Variants in HTR2C observed in about 807,000 individuals in gnomAD.
HTR2C encodes 5-hydroxytryptamine receptor 2C.
A neutral mutation model predicts 21.0 loss-of-function variants in HTR2C; 5 were observed. The ratio of observed to expected loss-of-function variants is 0.24; its 90% CI spans 0.12 to 0.50. The LOEUF is 0.50. HTR2C is among the 20% of genes least tolerant of loss of function. The pLI is 0.98. For synonymous variants in HTR2C, 150 were observed against 145.3 expected (o/e 1.03, Z -0.23); for missense variants, 271 against 371.2 (o/e 0.73, Z 2.22).
intron 5 of HTR2C, among the ~76,000 whole-genome samples, chrX:114,887,600 A>T (rs782428073): frequency 3.6e-4 from 40 of 111,345 alleles, no homozygotes; most frequent in Non-Finnish European, 1.1e-4. Flanking sequence ...GAATGTGCTT[A>T]TGTTGCTTTT....
At chrX:114,790,667 A>G (rs1159101875) in intron 4 of HTR2C, among the ~76,000 whole-genome samples, 1 of 112,089 alleles carries the variant, frequency 8.9e-6, no homozygotes, top group Admixed American at 9.5e-5. Context: ...TATTAGAGGC[A>G]TAGCGTAGAA....
At chrX:114,822,565 A>G (rs1425291007) in intron 4 of HTR2C, among the ~76,000 whole-genome samples, 6 of 112,533 alleles carry the variant, frequency 5.3e-5, no homozygotes, top group African/African-American at 1.6e-4. Flanking sequence ...TGAAGAAAAT[A>G]TCAACAGAGA....
intron 2 of HTR2C, among the ~76,000 whole-genome samples, chrX:114,639,786 A>G (rs1930020315): frequency 8.9e-6 from 1 of 112,028 alleles, no homozygotes; most frequent in Non-Finnish European, 1.9e-5. Context: ...ACAGCGGTAA[A>G]GGGACTGAGA....
At chrX:114,659,643 A>G (rs1930913203) in intron 2 of HTR2C, among the ~76,000 whole-genome samples, 1 of 111,233 alleles carries the variant, frequency 9.0e-6, no homozygotes, top group African/African-American at 3.3e-5. Context: ...TAGGACAGCT[A>G]TATACAATAT....
chrX:114,622,117 G>GTA (rs1569478874), intron 2 of HTR2C, among the ~76,000 whole-genome samples: 1 of 111,786 alleles, frequency 8.9e-6, no homozygotes, highest in African/African-American at 3.3e-5. Flanking sequence ...TGGGAAATAT[G>GTA]TATCACATAG....
chrX:114,801,897 A>G (rs2070350059), intron 4 of HTR2C, among the ~76,000 whole-genome samples: 1 of 111,365 alleles, frequency 9.0e-6, no homozygotes, highest in Admixed American at 9.6e-5. Flanking sequence ...GTGCTATCAA[A>G]TACTAGATCT....
At chrX:114,889,062 C>A (rs1157128585) in intron 5 of HTR2C, among the ~76,000 whole-genome samples, 2 of 111,769 alleles carry the variant, frequency 1.8e-5, no homozygotes, top group Non-Finnish European at 3.8e-5. Flanking sequence ...GCAACTTGGA[C>A]AATTTAAATA....
At chrX:114,727,417 GA>G (rs1322531134) in intron 3 of HTR2C, among the ~76,000 whole-genome samples, 1 of 111,565 alleles carries the variant, frequency 9.0e-6, no homozygotes, top group Non-Finnish European at 1.9e-5. Context: ...AGCTGGATGG[GA>G]AAAACCAATG....
At chrX:114,689,117 A>G (rs1932021219) in intron 2 of HTR2C, among the ~76,000 whole-genome samples, 1 of 106,053 alleles carries the variant, frequency 9.4e-6, no homozygotes, top group Admixed American at 1.0e-4. Flanking sequence ...TACTTCACTT[A>G]GAATAATGGT....
intron 4 of HTR2C, among the ~76,000 whole-genome samples, chrX:114,826,908 T>C (rs2070683212): frequency 9.0e-6 from 1 of 111,326 alleles, no homozygotes; most frequent in Non-Finnish European, 1.9e-5. Context: ...TGGGAAACAT[T>C]CTTTTGTTTC....
intron 5 of HTR2C, among the ~76,000 whole-genome samples, chrX:114,887,417 G>T (rs1249626313): frequency 9.0e-6 from 1 of 111,195 alleles, no homozygotes; most frequent in Non-Finnish European, 1.9e-5. Flanking sequence ...TTTAAAATCA[G>T]CCAAGAAAGG....
chrX:114,882,430 G>A (rs957094208), intron 5 of HTR2C, among the ~76,000 whole-genome samples: 1 of 110,550 alleles, frequency 9.0e-6, no homozygotes, highest in African/African-American at 3.3e-5. Context: ...CTTATCTTAC[G>A]AGGAAAGTAT....
intron 4 of HTR2C, among the ~76,000 whole-genome samples, chrX:114,771,772 T>C (rs782131170): frequency 2.7e-5 from 3 of 112,681 alleles, no homozygotes; most frequent in Non-Finnish European, 5.6e-5. Context: ...TGCAATGTTA[T>C]TAAATCCAGC....
intron 2 of HTR2C, among the ~76,000 whole-genome samples, chrX:114,653,401 T>A (rs1930661074): frequency 1.8e-5 from 2 of 110,806 alleles, no homozygotes; most frequent in African/African-American, 6.5e-5. Flanking sequence ...TCCTAGGACA[T>A]CTTTGTGAGG....
chrX:114,585,768 C>A (rs1190450845), intron 1 of HTR2C, among the ~76,000 whole-genome samples: 4 of 111,094 alleles, frequency 3.6e-5, no homozygotes, highest in African/African-American at 1.3e-4. Context: ...GCCAGTACCG[C>A]GCAGCTTCTT....
chrX:114,760,965 A>C (rs2069860367), intron 4 of HTR2C, among the ~76,000 whole-genome samples: 1 of 111,901 alleles, frequency 8.9e-6, no homozygotes, highest in Non-Finnish European at 1.9e-5. Context: ...CAACCCATGC[A>C]ATCAAACATC....
chrX:114,623,910 T>G (rs1168674430), intron 2 of HTR2C, among the ~76,000 whole-genome samples: 66 of 93,208 alleles, frequency 7.1e-4, no homozygotes, highest in African/African-American at 2.4e-3. Context: ...GTTGTTGTTT[T>G]TTTTTTTTTT....
At chrX:114,775,212 G>A (rs1180247460) in intron 4 of HTR2C, 2 of 517,349 alleles carry the variant, frequency 3.9e-6, no homozygotes, top group East Asian at 3.7e-5. Flanking sequence ...CAGCTTACCG[G>A]ACCATATGTT....
intron 2 of HTR2C, chrX:114,715,232 G>C (rs782518744): frequency 1.4e-5 from 5 of 359,858 alleles, no homozygotes; most frequent in Non-Finnish European, 2.8e-5. Flanking sequence ...AGCTGTTGGA[G>C]AGACGAGGAG....
Sources: allele counts gnomAD v4.1 joint callset (sites outside exome capture counted in the v4.1 genomes callset), GRCh38; gene constraint gnomAD v4.1.1; transcripts MANE v1.5; gene names NCBI Gene and HGNC (gene_info 2026-07-23, HGNC 2026-07-21).